Variants in DNAJC6 observed in about 807,000 individuals in gnomAD.
The protein encoded by DNAJC6 is auxilin.
Under a neutral mutation model 110.0 loss-of-function variants are expected in DNAJC6, and 34 were observed. The observed-to-expected ratio is 0.31, with a 90% CI of 0.24 to 0.41. DNAJC6 has a LOEUF of 0.41. Among genes scored for constraint, DNAJC6 ranks in the 10% least tolerant of loss-of-function variants. The pLI is 1.00. For synonymous variants in DNAJC6, 406 were observed against 437.2 expected, an observed-to-expected ratio of 0.93 and a Z score of 0.89; for missense variants, 1,031 against 1,207.8, an observed-to-expected ratio of 0.85 and a Z score of 2.17.
At chr1:65,366,746 G>T (rs552172793) in intron 4 of DNAJC6, among the ~76,000 whole-genome samples, 1 of 152,192 alleles carries the variant, frequency 6.6e-6, no homozygotes, top group Non-Finnish European at 1.5e-5. Flanking sequence ...ACTGAATTCT[G>T]ACTTACTCAC....
intron 1 of DNAJC6, among the ~76,000 whole-genome samples, chr1:65,332,686 A>C (rs1433635860): frequency 6.6e-6 from 1 of 152,220 alleles, no homozygotes; most frequent in African/African-American, 2.4e-5. Flanking sequence ...TTGCTTCATT[A>C]AACTCACCTT....
intron 1 of DNAJC6, among the ~76,000 whole-genome samples, chr1:65,330,525 G>A (rs1645278877): frequency 6.6e-6 from 1 of 152,048 alleles, no homozygotes. Context: ...CTGGAGTACA[G>A]TGGCCCAATT....
At chr1:65,406,276 T>G (rs1646075555) in intron 16 of DNAJC6, 143 bp downstream of exon 16, 2 of 1,208,776 alleles carry the variant, frequency 1.7e-6, no homozygotes, top group East Asian at 4.9e-5. Context: ...GTTGTAGAGA[T>G]AAAACATGAT....
At chr1:65,348,363 T>C (rs1384830914) in intron 1 of DNAJC6, among the ~76,000 whole-genome samples, 1 of 152,220 alleles carries the variant, frequency 6.6e-6, no homozygotes, top group Non-Finnish European at 1.5e-5. Context: ...TTTCTTCCCA[T>C]ACCAATGTTT....
At chr1:65,357,217 C>T (rs1645552181) in intron 1 of DNAJC6, among the ~76,000 whole-genome samples, 1 of 152,108 alleles carries the variant, frequency 6.6e-6, no homozygotes, top group Non-Finnish European at 1.5e-5. Flanking sequence ...AACATTGTGA[C>T]TCTTAACCAC....
At chr1:65,274,046 A>G (rs1056104692) in intron 1 of DNAJC6, among the ~76,000 whole-genome samples, 1 of 152,170 alleles carries the variant, frequency 6.6e-6, no homozygotes, top group African/African-American at 2.4e-5. Context: ...TTGGTTCCCA[A>G]GAGAGGGCAA....
At chr1:65,313,947 A>C (rs1356526992) in intron 1 of DNAJC6, among the ~76,000 whole-genome samples, 2 of 152,196 alleles carry the variant, frequency 1.3e-5, no homozygotes, top group East Asian at 3.9e-4. Context: ...TTTTCAGGGA[A>C]AGTAGAACCA....
chr1:65,279,671 A>G (rs922650771), intron 1 of DNAJC6: 1 of 152,128 alleles, frequency 6.6e-6, no homozygotes, highest in Non-Finnish European at 1.5e-5. Flanking sequence ...TTGGGTTTCC[A>G]GAGTGCTGTT....
In DNAJC6 at chr1:65,392,497, A is replaced by G; in HGVS notation, c.1535A>G (p.Gln512Arg). ...HAALVNQESE[Q>R]SDDELLTLSS... Reference sequence around the variant, plus strand: ...GCCCTAGTGAATCAGGAAAGTGAGCAATCAGATGATGAACTTCTGACACTT... The same window carrying G: ...GCCCTAGTGAATCAGGAAAGTGAGCGATCAGATGATGAACTTCTGACACTT... Residue 512 changes from glutamine to arginine, a missense_variant, in exon 12 of 19, where the codon CAA (glutamine) becomes CGA (arginine). Coordinates refer to ENST00000371069, the MANE Select transcript of DNAJC6 (RefSeq NM_001256864.2). The G allele has an allele frequency of 1.9e-6, 3 of 1,613,918 alleles. No individual in the cohort carries two copies. The highest frequency in any genetic ancestry group is 2.5e-6 in the Non-Finnish European group (3 of 1,179,912).
chr1:65,267,336 A>G (rs558902263), intron 1 of DNAJC6, among the ~76,000 whole-genome samples: 2 of 152,198 alleles, frequency 1.3e-5, no homozygotes, highest in Non-Finnish European at 2.9e-5. Context: ...CAGTTTCTTT[A>G]TCGCTAAAAT....
chr1:65,274,703 A>G (rs973140726), intron 1 of DNAJC6, among the ~76,000 whole-genome samples: 1 of 152,228 alleles, frequency 6.6e-6, no homozygotes, highest in Non-Finnish European at 1.5e-5. Context: ...CTAGTCTGAC[A>G]ATATGGTCTT....
upstream of DNAJC6, among the ~76,000 whole-genome samples, chr1:65,307,593 T>A (rs896167883): frequency 6.6e-6 from 1 of 152,180 alleles, no homozygotes; most frequent in Non-Finnish European, 1.5e-5. Flanking sequence ...ATTCTATTAA[T>A]CCAATGATTA....
At chr1:65,359,031 C>T (rs536840067) in intron 1 of DNAJC6, among the ~76,000 whole-genome samples, 9 of 152,268 alleles carry the variant, frequency 5.9e-5, no homozygotes, top group Admixed American at 2.0e-4. Context: ...GTTTTGTCCA[C>T]GGCTAAGAAA....
chr1:65,318,316 T>TC (rs71244508), intron 1 of DNAJC6, among the ~76,000 whole-genome samples: 1 of 152,136 alleles, frequency 6.6e-6, no homozygotes, highest in East Asian at 1.9e-4. Flanking sequence ...TGTTTTTTTT[T>TC]CTGTTAATAG....
chr1:65,412,843 C>T, intron 18 of DNAJC6, 81 bp from the exon 19 acceptor site: 2 of 1,122,654 alleles, frequency 1.8e-6, no homozygotes, highest in East Asian at 4.7e-5. Flanking sequence ...TGCTTAGAGC[C>T]CATATATTGG....
chr1:65,371,821 G>A (rs1038857971), intron 4 of DNAJC6, among the ~76,000 whole-genome samples: 4 of 152,180 alleles, frequency 2.6e-5, no homozygotes, highest in African/African-American at 7.2e-5. Flanking sequence ...ACAGCATTGC[G>A]AAGTGTCAGC....
intron 14 of DNAJC6, among the ~76,000 whole-genome samples, chr1:65,400,322 T>C (rs1443092702): frequency 6.6e-6 from 1 of 152,242 alleles, no homozygotes; most frequent in East Asian, 1.9e-4. Context: ...GTTATCATTT[T>C]TGTGGTGAGA....
chr1:65,309,055 A>G (rs1645070733), upstream of DNAJC6, among the ~76,000 whole-genome samples: 1 of 152,180 alleles, frequency 6.6e-6, no homozygotes, highest in African/African-American at 2.4e-5. Context: ...TCAGTTCTCT[A>G]GGACGGTTAC....
chr1:65,318,142 TGAGGTAG>T (rs1186470773), intron 1 of DNAJC6, among the ~76,000 whole-genome samples: 3 of 151,930 alleles, frequency 2.0e-5, no homozygotes, highest in Non-Finnish European at 1.5e-5. Flanking sequence ...GGAGATGGGG[TGAGGTAG>T]GGCTGACTTA....
Sources: gnomAD v4.1 joint callset for allele counts (sites outside exome capture counted in the v4.1 genomes callset) on GRCh38, gnomAD v4.1.1 for gene constraint, MANE v1.5 for transcripts, NCBI Gene and HGNC (gene_info 2026-07-23, HGNC 2026-07-21) for gene names.